The following UNC5D variants were observed in gnomAD, a reference collection of about 807,000 sequenced individuals.
UNC5D encodes unc-5 netrin receptor D.
Under a neutral mutation model 105.4 loss-of-function variants are expected in UNC5D, and 39 were observed. That is an observed-to-expected ratio of 0.37 (90% CI 0.29 to 0.48). The LOEUF (loss-of-function observed/expected upper bound fraction) is 0.48, where lower values mean the gene tolerates loss of function less well. UNC5D is among the 20% of genes least tolerant of loss of function. UNC5D has a pLI of 0.98. For missense variants in UNC5D, 991 were observed against 1,202.4 expected, an observed-to-expected ratio of 0.82 and a Z score of 2.60; for synonymous variants, 452 against 450.4, an observed-to-expected ratio of 1.00 and a Z score of -0.04.
rs183411239 is a variant in UNC5D, at chr8:35,356,712, A to G, written c.103+120825A>G. On this transcript the variant is annotated intron_variant, in intron 1 of 16. Transcript: ENST00000404895. ...GAACTTAACAGCTTTTCTATGGCCAATCCAAATTGCCTGCATGACTATTTT... is the reference window on the plus strand; with the variant it reads ...GAACTTAACAGCTTTTCTATGGCCAGTCCAAATTGCCTGCATGACTATTTT... 5.3e-5 allele frequency among the ~76,000 whole-genome samples: 8 copies of G among 152,064 alleles called. No homozygotes were observed. In the East Asian group the frequency reaches 5.8e-4, roughly 11 times the overall value.
chr8:35,560,645 G>A (rs1264280833), intron 2 of UNC5D, among the ~76,000 whole-genome samples: 1 of 152,182 alleles, frequency 6.6e-6, no homozygotes, highest in Non-Finnish European at 1.5e-5. Context: ...TTTTAGAGGG[G>A]ATGGTTTGAT....
intron 16 of UNC5D, among the ~76,000 whole-genome samples, chr8:35,786,049 T>C (rs1347487349): frequency 1.3e-5 from 2 of 152,206 alleles, no homozygotes; most frequent in African/African-American, 2.4e-5. Context: ...GTTCACTTAC[T>C]GCGACCTTCT....
Position 35,340,182 on chromosome 8 carries a change from C to T in UNC5D, c.103+104295C>T, listed in dbSNP as rs564567025. ...GATGGGAAGAGGATTTTCTCATGAA[C>T]CCTTGCCTGCCTCCATTCCCATGAA... On this transcript the variant is annotated intron_variant, in intron 1 of 16. Transcript: ENST00000404895. Among the ~76,000 whole-genome samples, 7 of 152,280 alleles carry T rather than the reference C, an allele frequency of 4.6e-5. No individual in the cohort carries two copies. In the South Asian group the frequency reaches 1.0e-3, roughly 23 times the overall value.
In UNC5D at chr8:35,235,811, C is replaced by T; in HGVS notation, c.27C>T (p.Gly9=). 8.1e-7 allele frequency: 1 copy of T among 1,229,848 alleles called. No homozygotes were observed. The highest frequency in any genetic ancestry group is 1.0e-6 in the Non-Finnish European group (1 of 986,300). 76.2% of individuals were successfully genotyped at this position (1,229,848 alleles called of 1,614,324 possible). A position where few individuals can be genotyped will look rare whatever the true frequency, so the allele number is the denominator to read the frequency against. MGRAAATA[G]GGGGARRWLP... is the part of the protein sequence containing the mutation. ...TGGGGAGAGCGGCGGCCACCGCAGG[C>T]GGCGGCGGAGGGGCGCGCCGCTGGC... Residue 9 remains glycine, a synonymous_variant, in exon 1 of 17, where the codon GGC becomes GGT. Coordinates refer to ENST00000404895, the MANE Select transcript of UNC5D (RefSeq NM_080872.4).
intron 12 of UNC5D, among the ~76,000 whole-genome samples, chr8:35,750,223 C>T (rs1240128208): frequency 6.6e-6 from 1 of 151,994 alleles, no homozygotes; most frequent in Admixed American, 6.5e-5. Flanking sequence ...CTGCAATCTC[C>T]ACCTCCCAGG....
intron 13 of UNC5D, 117 bp downstream of exon 13, chr8:35,750,926 G>A (rs575492780): frequency 8.2e-7 from 1 of 1,215,646 alleles, no homozygotes; most frequent in African/African-American, 1.5e-5. Context: ...CCACGCCACT[G>A]TAACTGCCCA....
At chr8:35,408,532 C>G (rs1804953526) in intron 1 of UNC5D, among the ~76,000 whole-genome samples, 1 of 150,944 alleles carries the variant, frequency 6.6e-6, no homozygotes, top group South Asian at 2.1e-4. Flanking sequence ...CAATTGGCCC[C>G]TATGAAACTG....
intron 4 of UNC5D, among the ~76,000 whole-genome samples, chr8:35,597,928 A>G (rs986255780): frequency 1.3e-5 from 2 of 152,108 alleles, no homozygotes; most frequent in Middle Eastern, 3.2e-3. Context: ...GTGACCTTAT[A>G]TATTTTATTT....
chr8:35,775,212 T>C (rs1290595407), intron 16 of UNC5D, among the ~76,000 whole-genome samples: 1 of 152,132 alleles, frequency 6.6e-6, no homozygotes, highest in East Asian at 1.9e-4. Context: ...ACCTACAAAA[T>C]TGATTGCCTG....
At chr8:35,674,944 A>G (rs931700305) in intron 4 of UNC5D, among the ~76,000 whole-genome samples, 1 of 152,198 alleles carries the variant, frequency 6.6e-6, no homozygotes, top group Non-Finnish European at 1.5e-5. Flanking sequence ...GTAGCCTTCC[A>G]GCTTTTCCCT....
intron 1 of UNC5D, among the ~76,000 whole-genome samples, chr8:35,510,973 C>T (rs989937771): frequency 6.6e-6 from 1 of 152,186 alleles, no homozygotes; most frequent in Non-Finnish European, 1.5e-5. Flanking sequence ...AGCAAAGCCT[C>T]CATTAATTGG....
chr8:35,789,895 AACACACACACAC>A (rs56702865), intron 16 of UNC5D, among the ~76,000 whole-genome samples: 20 of 142,776 alleles, frequency 1.4e-4, no homozygotes, highest in Admixed American at 5.6e-4. Flanking sequence ...TCAAGAAGAA[AACACACACACAC>A]ACACACACAC....
intron 1 of UNC5D, among the ~76,000 whole-genome samples, chr8:35,473,529 AT>A (rs1809884334): frequency 6.6e-6 from 1 of 152,140 alleles, no homozygotes; most frequent in African/African-American, 2.4e-5. Flanking sequence ...TATATTTTTT[AT>A]GTTGAAAGAA....
chr8:35,573,083 G>A (rs1272846710), intron 3 of UNC5D, among the ~76,000 whole-genome samples: 2 of 152,162 alleles, frequency 1.3e-5, no homozygotes, highest in Admixed American at 6.5e-5. Flanking sequence ...GATTACAGGC[G>A]TGAGCCACCG....
At chr8:35,696,387 T>C (rs933134604) in intron 7 of UNC5D, among the ~76,000 whole-genome samples, 2 of 148,932 alleles carry the variant, frequency 1.3e-5, no homozygotes, top group African/African-American at 4.9e-5. Flanking sequence ...TAAACAAAAC[T>C]ATCCTCATTT....
At chr8:35,259,616 CCT>C (rs1434746107) in intron 1 of UNC5D, among the ~76,000 whole-genome samples, 1 of 152,106 alleles carries the variant, frequency 6.6e-6, no homozygotes, top group Non-Finnish European at 1.5e-5. Context: ...GTTTTTTCCT[CCT>C]CTCTGAAATA....
intron 1 of UNC5D, among the ~76,000 whole-genome samples, chr8:35,285,032 G>C (rs1360314397): frequency 6.6e-6 from 1 of 152,090 alleles, no homozygotes; most frequent in Non-Finnish European, 1.5e-5. Flanking sequence ...CTTTGAGATA[G>C]ATACCAATAC....
intron 7 of UNC5D, among the ~76,000 whole-genome samples, chr8:35,694,426 T>A (rs1826614048): frequency 6.6e-6 from 1 of 152,158 alleles, no homozygotes; most frequent in Non-Finnish European, 1.5e-5. Flanking sequence ...GCCTGTTGGA[T>A]GTGAATATCC....
At chr8:35,345,583 G>A (rs1462685080) in intron 1 of UNC5D, among the ~76,000 whole-genome samples, 1 of 152,040 alleles carries the variant, frequency 6.6e-6, no homozygotes, top group Non-Finnish European at 1.5e-5. Flanking sequence ...CTTTGACTGT[G>A]TTGGGCATGG....
Sources: allele counts gnomAD v4.1 joint callset (sites outside exome capture counted in the v4.1 genomes callset), GRCh38; gene constraint gnomAD v4.1.1; transcripts MANE v1.5; gene names NCBI Gene and HGNC (gene_info 2026-07-23, HGNC 2026-07-21).